Variants in KANSL3 observed in about 807,000 individuals in gnomAD.
KANSL3 encodes KAT8 regulatory NSL complex subunit 3.
Under a neutral mutation model 89.2 loss-of-function variants are expected in KANSL3, and 16 were observed. That is an observed-to-expected ratio of 0.18 (90% CI 0.12 to 0.27). KANSL3 has a LOEUF of 0.27. Ranked by LOEUF, KANSL3 falls within the 10% of genes least tolerant of loss-of-function variation. The pLI is 1.00. For missense variants in KANSL3, 879 were observed against 1,110.6 expected (o/e 0.79, Z 2.96); for synonymous variants, 385 against 419.7 (o/e 0.92, Z 1.01).
Position 96,604,762 on chromosome 2 carries a change from G to A in KANSL3, c.2018+17C>T. On this transcript the variant is annotated intron_variant, in intron 16 of 20. Transcript: ENST00000431828. Reference sequence around the variant, plus strand: ...GGGAAAAAAGGAATAGACACAGATGGTCCAATAAACACTCACTTGGCTGTG... The same window carrying A: ...GGGAAAAAAGGAATAGACACAGATGATCCAATAAACACTCACTTGGCTGTG... 6.4e-7 allele frequency: 1 copy of A among 1,572,248 alleles called. No homozygotes were observed. Among genetic ancestry groups the A allele is most frequent in the South Asian group, 1.2e-5 (1 of 85,638 alleles).
intron 3 of KANSL3, 132 bp downstream of exon 3, chr2:96,631,180 T>C (rs2073318113): frequency 4.4e-6 from 3 of 683,100 alleles, no homozygotes; most frequent in South Asian, 1.8e-5. Flanking sequence ...CTGAGAGTTA[T>C]AATGTGAGAC....
chr2:96,589,070 T>C (rs759894101), downstream of KANSL3, among the ~76,000 whole-genome samples: 3 of 152,076 alleles, frequency 2.0e-5, no homozygotes, highest in Admixed American at 6.6e-5. Flanking sequence ...TAAAAAACTA[T>C]ACAAGGAGAT....
the KANSL3 span, among the ~76,000 whole-genome samples, chr2:96,584,772 T>G: frequency 6.6e-6 from 1 of 152,370 alleles, no homozygotes. Flanking sequence ...CATCTGCTGA[T>G]GCACACTTAG....
chr2:96,597,593 T>G (rs1222186885), intron 20 of KANSL3, among the ~76,000 whole-genome samples: 1 of 152,112 alleles, frequency 6.6e-6, no homozygotes, highest in African/African-American at 2.4e-5. Flanking sequence ...CATATCCACT[T>G]TATTTTATTT....
At chr2:96,611,017 C>T (rs750249352) in intron 10 of KANSL3, 47 bp downstream of exon 10, 101 of 1,591,502 alleles carry the variant, frequency 6.3e-5, no homozygotes, top group Admixed American at 1.8e-4. Flanking sequence ...TGCACACTCG[C>T]GCTCCCACTG....
intron 20 of KANSL3, 79 bp from the exon 21 acceptor site, chr2:96,595,710 C>T: frequency 6.8e-7 from 1 of 1,462,430 alleles, no homozygotes; most frequent in East Asian, 2.3e-5. Context: ...TCCCAATTAT[C>T]CCAACTCCTG....
intron 2 of KANSL3, among the ~76,000 whole-genome samples, chr2:96,632,516 T>G (rs1409972389): frequency 2.0e-5 from 3 of 152,150 alleles, no homozygotes; most frequent in Non-Finnish European, 2.9e-5. Flanking sequence ...AGCTAATATT[T>G]TTAAAAGATC....
chr2:96,615,373 A>T, intron 5 of KANSL3: 1 of 304,408 alleles, frequency 3.3e-6, no homozygotes, highest in Non-Finnish European at 5.6e-6. Flanking sequence ...TATGTACAAA[A>T]ATATATATCC....
intron 12 of KANSL3, 32 bp downstream of exon 12, chr2:96,609,466 TA>T (rs2068528772): frequency 6.2e-7 from 1 of 1,603,374 alleles, no homozygotes; most frequent in African/African-American, 1.3e-5. Flanking sequence ...AAGGCAAGCC[TA>T]GCTGAGAAAA....
intron 20 of KANSL3, among the ~76,000 whole-genome samples, chr2:96,598,391 T>A (rs1573260462): frequency 1.3e-5 from 2 of 152,332 alleles, no homozygotes; most frequent in East Asian, 3.9e-4. Flanking sequence ...GAGATTAATA[T>A]AGACGCCAAA....
chr2:96,596,820 G>A (rs555511089), intron 20 of KANSL3, among the ~76,000 whole-genome samples: 2 of 152,342 alleles, frequency 1.3e-5, no homozygotes, highest in South Asian at 4.1e-4. Context: ...TGCTTGCCAG[G>A]CTGACAAGGT....
chr2:96,625,273 T>C (rs1261202622), intron 3 of KANSL3, among the ~76,000 whole-genome samples: 1 of 152,114 alleles, frequency 6.6e-6, no homozygotes, highest in South Asian at 2.1e-4. Flanking sequence ...AAGTAATAGG[T>C]ATAAAGGACC....
Position 96,636,966 on chromosome 2 carries a change from G to A in KANSL3, c.170C>T (p.Thr57Ile). 6.5e-7 allele frequency: 1 copy of A among 1,549,864 alleles called. No individual in the cohort carries two copies. Among genetic ancestry groups the A allele is most frequent in the East Asian group, 2.4e-5 (1 of 40,880 alleles). Residue 57 changes from threonine to isoleucine, a missense_variant, in exon 2 of 21, where the codon ACC becomes ATC. Physicochemically the swap from Thr to Ile is moderately conservative, Grantham distance 89. Transcript: ENST00000431828. ...AHPDASSARPTRMLFVTPRRQ... is the reference protein window; with the variant it reads ...AHPDASSARPIRMLFVTPRRQ... ...CCGGGGAGTGACAAAGAGCATGCGGGTGGGGCGGGCACTACTGGCATCTGG... is the reference window on the plus strand; with the variant it reads ...CCGGGGAGTGACAAAGAGCATGCGGATGGGGCGGGCACTACTGGCATCTGG...
intron 5 of KANSL3, among the ~76,000 whole-genome samples, chr2:96,613,831 A>G (rs2069450734): frequency 6.6e-6 from 1 of 152,170 alleles, no homozygotes; most frequent in African/African-American, 2.4e-5. Context: ...TCCTTTGGAA[A>G]GCAGTCTGGA....
Position 96,602,311 on chromosome 2 carries a change from T to G in KANSL3, c.2287A>C (p.Met763Leu). 6.2e-7 allele frequency: 1 copy of G among 1,611,056 alleles called. No homozygotes were observed. The highest frequency in any genetic ancestry group is 1.3e-5 in the African/African-American group (1 of 74,964). Residue 763 changes from methionine (M) to leucine (L), a missense_variant, in exon 19 of 21, where the codon ATG becomes CTG. This residue lies in a region of KANSL3 where 89 missense variants were observed against 139.7 expected (regional missense o/e 0.64). Transcript: ENST00000431828. ...QATSVKLPTP[M>L]QSLGAITTGT... ...GTGGTGATGGCACCCAGGCTCTGCA[T>G]GGGGGTGGGCAACTTCACACTGGTG... is the stretch of plus-strand genomic sequence containing the variant.
chr2:96,609,098 G>A, intron 12 of KANSL3, 34 bp from the exon 13 acceptor site: 1 of 1,525,502 alleles, frequency 6.6e-7, no homozygotes, highest in Non-Finnish European at 8.9e-7. Context: ...AGGCCTTTTA[G>A]TCCTCATCTG....
chr2:96,636,734 G>T (rs900314747), intron 2 of KANSL3, 187 bp downstream of exon 2: 5 of 472,432 alleles, frequency 1.1e-5, no homozygotes, highest in African/African-American at 9.9e-5. Context: ...CCTAACTCTT[G>T]TTAGCTGTCT....
chr2:96,627,470 C>T (rs1349406172), intron 3 of KANSL3, among the ~76,000 whole-genome samples: 1 of 152,206 alleles, frequency 6.6e-6, no homozygotes, highest in African/African-American at 2.4e-5. Flanking sequence ...CCGCCTCAGC[C>T]TCCCAAAGTG....
chr2:96,598,007 G>C, intron 20 of KANSL3: 1 of 637,928 alleles, frequency 1.6e-6, no homozygotes, highest in Non-Finnish European at 2.0e-6. Flanking sequence ...AGAAAAGGGG[G>C]ATTCTCAATG....
Sources: gnomAD v4.1 joint callset for allele counts (sites outside exome capture counted in the v4.1 genomes callset) on GRCh38, gnomAD v4.1.1 for gene constraint, gnomAD v4.1.1 regional missense constraint, MANE v1.5 for transcripts, NCBI Gene and HGNC (gene_info 2026-07-23, HGNC 2026-07-21) for gene names.